LRRK1: variants seen among roughly 807,000 people sequenced by gnomAD.
LRRK1 encodes leucine rich repeat kinase 1, also known as leucine-rich repeat serine/threonine-protein kinase 1.
Under a neutral mutation model 209.1 loss-of-function variants are expected in LRRK1, and 113 were observed. The observed-to-expected ratio is 0.54, with a 90% CI of 0.46 to 0.63. The LOEUF is 0.63. Ranked by LOEUF, LRRK1 falls within the 30% of genes least tolerant of loss-of-function variation. The pLI is 0.00. For missense variants in LRRK1, 2,284 were observed against 2,632.2 expected, an observed-to-expected ratio of 0.87 and a Z score of 2.89; for synonymous variants, 1,144 against 1,099.7, an observed-to-expected ratio of 1.04 and a Z score of -0.80.
rs1391841773 is a variant in LRRK1, at chr15:101,010,743, C to G, written c.1187C>G (p.Pro396Arg). Residue 396 changes from proline (P) to arginine (R), a missense_variant, in exon 9 of 34, where the codon CCT becomes CGT. This residue lies in a region of LRRK1 where 494 missense variants were observed against 522.1 expected (regional missense o/e 0.95). Transcript: ENST00000388948. Reference protein sequence around the residue: ...DISDNKLTELPALFLHSFKSL... With the variant: ...DISDNKLTELRALFLHSFKSL... ...TCTGACAATAAATTGACAGAACTCC[C>G]TGCCCTGTTCCTTCACTCTTTCAAG... The G allele has an allele frequency of 1.2e-6, 2 of 1,613,548 alleles. No homozygotes were observed. The highest frequency in any genetic ancestry group is 1.7e-6 in the Non-Finnish European group (2 of 1,179,834).
At chr15:101,064,467 C>T (rs2036402429) in intron 31 of LRRK1, 1 of 152,950 alleles carries the variant, frequency 6.5e-6, no homozygotes, top group Non-Finnish European at 1.5e-5. Flanking sequence ...TGGCTCTGCC[C>T]TGGGAGGTGC....
chr15:101,058,591 G>C (rs911197306), intron 29 of LRRK1, among the ~76,000 whole-genome samples: 18 of 128,014 alleles, frequency 1.4e-4, no homozygotes, highest in African/African-American at 4.4e-4. Flanking sequence ...AGCATGTTCT[G>C]CTGCCCCAGA....
At chr15:100,969,897 T>C (rs1330206760) in intron 2 of LRRK1, among the ~76,000 whole-genome samples, 1 of 150,950 alleles carries the variant, frequency 6.6e-6, no homozygotes, top group Non-Finnish European at 1.5e-5. Flanking sequence ...TTTTTCTTCT[T>C]TTTTTTTTGA....
chr15:100,949,831 C>T lies in LRRK1; in HGVS notation c.98-23973C>T, dbSNP rs551083873. On this transcript the variant is annotated intron_variant, in intron 2 of 33. Transcript: ENST00000388948. ...TCACTACCCTTTGATGAGAAACACT[C>T]AGTAAACTAGTAATAGAAGGAAACT... is the stretch of plus-strand genomic sequence containing the variant. Among the ~76,000 whole-genome samples, 25 of 152,114 alleles carry T rather than the reference C, an allele frequency of 1.6e-4. No individual in the cohort carries two copies. The South Asian group carries it at 5.2e-3, about 32-fold the overall frequency.
At chr15:101,060,522 T>A (rs1232466164) in intron 29 of LRRK1, among the ~76,000 whole-genome samples, 1 of 152,222 alleles carries the variant, frequency 6.6e-6, no homozygotes, top group Non-Finnish European at 1.5e-5. Flanking sequence ...GGAGAAACTT[T>A]ATATTGAGAA....
intron 2 of LRRK1, among the ~76,000 whole-genome samples, chr15:100,933,821 CAAAAAAAAAAAAAAAA>C (rs67129854): frequency 0.036 from 1,566 of 43,014 alleles, 71 homozygotes; most frequent in African/African-American, 0.13. Flanking sequence ...GACTCCATCT[CAAAAAAAAAAAAAAAA>C]AAAAAAAAAA....
At chr15:101,063,158 G>C (rs1164148950) in intron 31 of LRRK1, among the ~76,000 whole-genome samples, 1 of 152,170 alleles carries the variant, frequency 6.6e-6, no homozygotes, top group Non-Finnish European at 1.5e-5. Flanking sequence ...GTTTCTCTTT[G>C]TGCAGCATAG....
intron 20 of LRRK1, among the ~76,000 whole-genome samples, chr15:101,034,160 T>C (rs1446785530): frequency 6.6e-6 from 1 of 152,208 alleles, no homozygotes; most frequent in African/African-American, 2.4e-5. Context: ...GGATATTAGT[T>C]CCTTGTTGGA....
rs74040276 is a variant in LRRK1 at position 101,062,951 on chromosome 15, C to T, written c.4914+261C>T. On this transcript the variant is annotated intron_variant, in intron 31 of 33. Transcript: ENST00000388948. ...CCCCTTTCACATGCAAATGCCCTGACTCAGGTGGAAGGACTGTTGGTACAA... is the reference window on the plus strand; with the variant it reads ...CCCCTTTCACATGCAAATGCCCTGATTCAGGTGGAAGGACTGTTGGTACAA... Among the ~76,000 whole-genome samples the T allele has an allele frequency of 9.7e-3, 1,477 of 152,290 alleles. 24 individuals are homozygous for T. Among genetic ancestry groups the T allele is most frequent in the African/African-American group, 0.033 (1,388 of 41,560 alleles).
At chr15:100,985,942 T>C (rs139827626) in intron 4 of LRRK1, among the ~76,000 whole-genome samples, 6 of 152,034 alleles carry the variant, frequency 3.9e-5, no homozygotes, top group Admixed American at 1.3e-4. Context: ...CTCATGCCTG[T>C]AATCCCAACA....
At chr15:100,928,718 G>A (rs1230451967) in intron 2 of LRRK1, among the ~76,000 whole-genome samples, 2 of 152,122 alleles carry the variant, frequency 1.3e-5, no homozygotes, top group Non-Finnish European at 2.9e-5. Flanking sequence ...TACTAGGCAC[G>A]CCTTTTCACA....
chr15:100,973,260 C>T (rs1165752379), intron 2 of LRRK1, among the ~76,000 whole-genome samples: 1 of 152,332 alleles, frequency 6.6e-6, no homozygotes, highest in East Asian at 1.9e-4. Context: ...CGACCCGAGG[C>T]CCGGTGTCGT....
At chr15:100,974,142 C>T (rs2031150814) in intron 3 of LRRK1, 175 bp downstream of exon 3, 1 of 475,092 alleles carries the variant, frequency 2.1e-6, no homozygotes, top group Non-Finnish European at 3.4e-6. Flanking sequence ...ACTGACTTCT[C>T]AGTCTGATAT....
At position 100,941,453 on chromosome 15, in the gene LRRK1, T is replaced by C. The variant is rs1234727669; in HGVS notation, c.97+16724T>C. On this transcript the variant is annotated intron_variant, in intron 2 of 33. Transcript: ENST00000388948. The stretch of plus-strand genomic sequence containing the variant: ...CTGTGTGTGTGTGTGTGTCTGTGTG[T>C]GTCTATGTCTCTGTGTGTGTGTGTG... Among the ~76,000 whole-genome samples, 40 of 112,962 alleles carry C rather than the reference T, an allele frequency of 3.5e-4. 3 individuals carry two copies. The highest frequency in any genetic ancestry group is 1.7e-3 in the African/African-American group (37 of 22,352). 74.1% of individuals were successfully genotyped at this position (112,962 alleles called of 152,430 possible). A position where few individuals can be genotyped will look rare whatever the true frequency, so the allele number is the denominator to read the frequency against.
At chr15:101,050,064 TACC>T (rs1240943763) in intron 23 of LRRK1, among the ~76,000 whole-genome samples, 2 of 152,162 alleles carry the variant, frequency 1.3e-5, no homozygotes, top group African/African-American at 4.8e-5. Context: ...ATGACACTGG[TACC>T]ACGAGTGGTC....
intron 13 of LRRK1, 64 bp downstream of exon 13, chr15:101,021,246 C>T (rs1308074049): frequency 1.3e-6 from 2 of 1,562,674 alleles, no homozygotes. Context: ...ACGCCCATCC[C>T]TAAACCAACT....
chr15:101,061,315 C>T (rs2036163978), intron 30 of LRRK1, 27 bp downstream of exon 30: 2 of 1,537,724 alleles, frequency 1.3e-6, no homozygotes, highest in African/African-American at 1.4e-5. Flanking sequence ...GGCCTGCCCA[C>T]CGAGGTAAGC....
intron 22 of LRRK1, 59 bp downstream of exon 22, chr15:101,048,716 G>A (rs984302568): frequency 5.0e-6 from 7 of 1,402,478 alleles, no homozygotes; most frequent in Non-Finnish European, 6.6e-6. Flanking sequence ...GCCACCGCGG[G>A]GCCACGTCAG....
chr15:101,053,165 G>A (rs1411996872), intron 25 of LRRK1, 58 bp from the exon 26 acceptor site: 1 of 1,591,140 alleles, frequency 6.3e-7, no homozygotes, highest in Non-Finnish European at 8.5e-7. Context: ...GCCTTAGAGA[G>A]GCCTGAGGCT....
Sources: allele counts gnomAD v4.1 joint callset (sites outside exome capture counted in the v4.1 genomes callset), GRCh38; gene constraint gnomAD v4.1.1; regional missense constraint gnomAD v4.1.1; transcripts MANE v1.5; gene names NCBI Gene and HGNC (gene_info 2026-07-23, HGNC 2026-07-21).